CSF1: variants seen among roughly 807,000 people sequenced by gnomAD.
CSF1 encodes macrophage colony-stimulating factor 1.
Under a neutral mutation model 48.9 loss-of-function variants are expected in CSF1, and 9 were observed. That is an observed-to-expected ratio of 0.18 (90% CI 0.11 to 0.32). The LOEUF is 0.32. CSF1 is among the 10% of genes least tolerant of loss of function. The pLI is 1.00. For missense variants in CSF1, 672 were observed against 697.9 expected (o/e 0.96, Z 0.42); for synonymous variants, 305 against 284.1 (o/e 1.07, Z -0.74).
In CSF1 at chr1:109,923,587, G is replaced by C; in HGVS notation, c.966G>C (p.Glu322Asp). The C allele has an allele frequency of 6.2e-7, 1 of 1,614,160 alleles. No homozygotes were observed. Among genetic ancestry groups the C allele is most frequent in the Non-Finnish European group, 8.5e-7 (1 of 1,180,010 alleles). The change falls in exon 6 of 9, where the codon GAG (glutamate) becomes GAC (aspartate). Residue 322 changes from glutamate (E) to aspartate (D), a missense_variant. By Grantham distance (45) the Glu-to-Asp change is conservative. Around this residue, in one of 3 missense-constraint regions of CSF1, gnomAD observed 591 missense variants for 593.6 expected, o/e 1.00. Transcript: ENST00000329608. ...AGATTCCCGTACCCCAAGGGACAGAGCTTTCCCCCTCCAGGCCAGGAGGGG... is the reference window on the plus strand; with the variant it reads ...AGATTCCCGTACCCCAAGGGACAGACCTTTCCCCCTCCAGGCCAGGAGGGG... ...ASEIPVPQGT[E>D]LSPSRPGGGS...
chr1:109,913,762 G>C (rs958984952), intron 1 of CSF1, among the ~76,000 whole-genome samples: 1 of 152,368 alleles, frequency 6.6e-6, no homozygotes, highest in Non-Finnish European at 1.5e-5. Context: ...GGCAGAGCCA[G>C]ATCTGCATGG....
At chr1:109,915,774 A>G (rs1038206694) in intron 3 of CSF1, 78 bp downstream of exon 3, 6 of 1,217,480 alleles carry the variant, frequency 4.9e-6, no homozygotes, top group Non-Finnish European at 7.3e-6. Context: ...GGGAGCATGA[A>G]AGCGGCAGAA....
chr1:109,922,719 G>T (rs1647617076), intron 5 of CSF1, among the ~76,000 whole-genome samples: 1 of 143,622 alleles, frequency 7.0e-6, no homozygotes, highest in South Asian at 2.2e-4. Flanking sequence ...GCCTGTTCCT[G>T]CCTGTGGCTG....
At chr1:109,919,926 CAAAATAAATAAATAAA>C (rs1647447452) in intron 4 of CSF1, among the ~76,000 whole-genome samples, 1 of 136,464 alleles carries the variant, frequency 7.3e-6, no homozygotes, top group South Asian at 2.3e-4. Context: ...AACTCCATCT[CAAAATAAATAAATAAA>C]TAAATAAATA....
chr1:109,912,438 G>C (rs886775892), intron 1 of CSF1, among the ~76,000 whole-genome samples: 3 of 152,118 alleles, frequency 2.0e-5, no homozygotes, highest in Non-Finnish European at 2.9e-5. Flanking sequence ...GCAGTCAGAG[G>C]AGAGCCTGCC....
chr1:109,923,826 C>T lies in CSF1; in HGVS notation c.1205C>T (p.Ser402Phe), dbSNP rs773325812. The change falls in exon 6 of 9, where the codon TCT becomes TTT. Residue 402 changes from serine to phenylalanine, a missense_variant. By Grantham distance (155) the Ser-to-Phe change is radical. This residue lies in a region of CSF1 where 591 missense variants were observed against 593.6 expected (regional missense o/e 1.00). Coordinates refer to ENST00000329608, the MANE Select transcript of CSF1 (RefSeq NM_000757.6). ...CTCAGAGACCCCCCGGAGCCAGGCT[C>T]TCCCAGGATCTCATCACTGCGCCCC... ...ALLRDPPEPG[S>F]PRISSLRPQG... The T allele has an allele frequency of 4.3e-6, 7 of 1,612,872 alleles. No homozygotes were observed. The African/African-American group carries it at 6.7e-5, about 15-fold the overall frequency.
chr1:109,926,753 T>C (rs770941410), intron 8 of CSF1: 7 of 152,226 alleles, frequency 4.6e-5, no homozygotes, highest in African/African-American at 1.7e-4. Context: ...TATTTGGATG[T>C]TGTTTTCATA....
intron 1 of CSF1, among the ~76,000 whole-genome samples, chr1:109,912,408 G>A (rs1048015059): frequency 2.0e-5 from 3 of 152,122 alleles, no homozygotes; most frequent in Admixed American, 6.5e-5. Flanking sequence ...AGAAGCCAGG[G>A]CTAGGGGTGG....
At chr1:109,918,107 C>A (rs1396221950) in intron 4 of CSF1, among the ~76,000 whole-genome samples, 1 of 152,154 alleles carries the variant, frequency 6.6e-6, no homozygotes, top group Non-Finnish European at 1.5e-5. Flanking sequence ...ACAAGAAAGG[C>A]TTCTGAGTAA....
rs556461036 is a variant in CSF1, at chr1:109,924,178, G to A, written c.1557G>A (p.Arg519=). ...CCGTCGGAGGCCTCTTGTTCTACAGGTGGAGGCGGCGGGTGAGTAGATCCC... is the reference window on the plus strand; with the variant it reads ...CCGTCGGAGGCCTCTTGTTCTACAGATGGAGGCGGCGGGTGAGTAGATCCC... ...LLAVGGLLFY[R]WRRRSHQEPQ... Residue 519 remains arginine, a synonymous_variant, in exon 6 of 9, where the codon AGG becomes AGA. Coordinates refer to ENST00000329608, the MANE Select transcript of CSF1 (RefSeq NM_000757.6). 5.0e-6 allele frequency: 8 copies of A among 1,609,600 alleles called. No individual in the cohort carries two copies. The South Asian group carries it at 8.8e-5, about 18-fold the overall frequency.
At chr1:109,912,823 G>A (rs1654745466) in intron 1 of CSF1, among the ~76,000 whole-genome samples, 1 of 152,094 alleles carries the variant, frequency 6.6e-6, no homozygotes, top group African/African-American at 2.4e-5. Context: ...TCCCACCCAG[G>A]GCAACCTCCC....
chr1:109,922,726 G>A (rs1475707634), intron 5 of CSF1, among the ~76,000 whole-genome samples: 5 of 93,510 alleles, frequency 5.3e-5, no homozygotes, highest in Admixed American at 1.1e-4. Flanking sequence ...CCTGCCTGTG[G>A]CTGTGGCTGT....
intron 2 of CSF1, among the ~76,000 whole-genome samples, chr1:109,915,359 T>C (rs1218939852): frequency 6.6e-6 from 1 of 152,234 alleles, no homozygotes; most frequent in Non-Finnish European, 1.5e-5. Flanking sequence ...TATTCTTCTA[T>C]AGACATCTCT....
At chr1:109,914,507 G>A (rs1406121701) in intron 2 of CSF1, 126 bp downstream of exon 2, 12 of 1,134,094 alleles carry the variant, frequency 1.1e-5, no homozygotes, top group East Asian at 3.0e-5. Flanking sequence ...ATTGCTTGTG[G>A]TTCCCACTAG....
At position 109,925,142 on chromosome 1, in the gene CSF1, T is replaced by C. The variant is rs777236600; in HGVS notation, c.1623-5T>C. On this transcript the variant is annotated splice_region_variant and splice_polypyrimidine_tract_variant and intron_variant, in intron 7 of 8. Transcript: ENST00000329608. The stretch of plus-strand genomic sequence containing the variant: ...TCTAATACCAGCCCTGTGCTCTGCC[T>C]GCAGCCCCCTGACTCAGGATGACAG... 2 of 1,613,692 alleles carry C rather than the reference T, an allele frequency of 1.2e-6. No individual in the cohort carries two copies. The highest frequency in any genetic ancestry group is 3.3e-5 in the Admixed American group (2 of 60,004).
rs1038891079 is a variant in CSF1, at chr1:109,923,464, C to T, written c.843C>T (p.Arg281=). 4 of 1,614,156 alleles carry T rather than the reference C, an allele frequency of 2.5e-6. No homozygotes were observed. Among genetic ancestry groups the T allele is most frequent in the Middle Eastern group, 1.6e-4 (1 of 6,062 alleles). The change falls in exon 6 of 9, where the codon CGC becomes CGT. Residue 281 remains arginine (R), a synonymous_variant. Coordinates refer to ENST00000329608, the MANE Select transcript of CSF1 (RefSeq NM_000757.6). ...DSTIGGSPQP[R]PSVGAFNPGM... ...CCATCGGTGGCTCACCACAGCCTCG[C>T]CCCTCTGTCGGGGCCTTCAACCCCG... is the stretch of plus-strand genomic sequence containing the variant.
chr1:109,924,680 C>G, intron 6 of CSF1, 96 bp from the exon 7 acceptor site: 1 of 1,121,342 alleles, frequency 8.9e-7, no homozygotes, highest in African/African-American at 1.6e-5. Flanking sequence ...TCTTGCAACT[C>G]TCTCATAAAT....
At position 109,911,048 on chromosome 1, in the gene CSF1, C is replaced by T; in HGVS notation, c.25C>T (p.Arg9Cys). ...TATGACCGCGCCGGGCGCCGCCGGG[C>T]GCTGCCCTCCCACGGTAAGCGACGG... is the stretch of plus-strand genomic sequence containing the variant. Reference protein sequence around the residue: MTAPGAAGRCPPTTWLGSL... With the variant: MTAPGAAGCCPPTTWLGSL... The change falls in exon 1 of 9, where the codon CGC (arginine) becomes TGC (cysteine). Residue 9 changes from arginine (R) to cysteine (C), a missense_variant. Around this residue, in one of 3 missense-constraint regions of CSF1, gnomAD observed 53 missense variants for 45.5 expected, o/e 1.17. Coordinates refer to ENST00000329608, the MANE Select transcript of CSF1 (RefSeq NM_000757.6). The T allele has an allele frequency of 2.7e-6, 3 of 1,127,096 alleles. No individual in the cohort carries two copies. Among genetic ancestry groups the T allele is most frequent in the Admixed American group, 4.5e-5 (1 of 22,122 alleles). The allele number at this position is 1,127,096 out of a possible 1,614,324, so 69.8% of individuals were successfully genotyped here. A position where few individuals can be genotyped will look rare whatever the true frequency, so the allele number is the denominator to read the frequency against.
intron 4 of CSF1, 49 bp downstream of exon 4, chr1:109,917,512 G>T: frequency 6.3e-7 from 1 of 1,584,492 alleles, no homozygotes; most frequent in Non-Finnish European, 8.6e-7. Flanking sequence ...GAGGGTGGCT[G>T]TGGAGGCGCC....
Sources: allele counts gnomAD v4.1 joint callset (sites outside exome capture counted in the v4.1 genomes callset), GRCh38; gene constraint gnomAD v4.1.1; regional missense constraint gnomAD v4.1.1; transcripts MANE v1.5; gene names NCBI Gene and HGNC (gene_info 2026-07-23, HGNC 2026-07-21).